Variants in LINGO2 observed in about 807,000 individuals in gnomAD.
The protein encoded by LINGO2 is leucine rich repeat and Ig domain containing 2.
In LINGO2, 14 loss-of-function variants were observed where a neutral mutation model predicts 30.6. The ratio of observed to expected loss-of-function variants is 0.46; its 90% confidence interval spans 0.30 to 0.72. The LOEUF (loss-of-function observed/expected upper bound fraction) is 0.72. Among genes scored for constraint, LINGO2 ranks in the 30% least tolerant of loss-of-function variants. The probability of loss-of-function intolerance (pLI) is 0.07; values close to 1 mark genes in which losing one functional copy is unlikely to be tolerated. For synonymous variants in LINGO2, 317 were observed against 288.5 expected (o/e 1.10, Z -1.00); for missense variants, 729 against 751.7 (o/e 0.97, Z 0.35).
chr9:28,247,667 T>A (rs1433331325), intron 4 of LINGO2, among the ~76,000 whole-genome samples: 2 of 152,098 alleles, frequency 1.3e-5, no homozygotes, highest in African/African-American at 4.8e-5. Context: ...ACCTAGGTGA[T>A]GGGTTGATAG....
chr9:28,013,989 T>C (rs1428779524), intron 4 of LINGO2, among the ~76,000 whole-genome samples: 1 of 152,184 alleles, frequency 6.6e-6, no homozygotes, highest in African/African-American at 2.4e-5. Flanking sequence ...AAGAAGTACA[T>C]GCTCTGGTAT....
intron 1 of LINGO2, among the ~76,000 whole-genome samples, chr9:28,564,916 T>C (rs1403062689): frequency 1.3e-5 from 2 of 152,082 alleles, no homozygotes; most frequent in African/African-American, 4.8e-5. Context: ...ACAGCACTGC[T>C]GCATACCTGC....
the LINGO2 span, among the ~76,000 whole-genome samples, chr9:28,960,800 C>A: frequency 7.2e-6 from 1 of 138,142 alleles, no homozygotes; most frequent in Non-Finnish European, 1.6e-5. Context: ...GTTGCTGAGT[C>A]ATCAGAACAG....
At chr9:28,597,671 A>G (rs1357657507) in intron 1 of LINGO2, among the ~76,000 whole-genome samples, 3 of 152,234 alleles carry the variant, frequency 2.0e-5, no homozygotes, top group South Asian at 2.1e-4. Flanking sequence ...GTATAGTCAT[A>G]GAAGTACAGC....
At chr9:29,074,268 T>C in the LINGO2 span, among the ~76,000 whole-genome samples, 1 of 151,092 alleles carries the variant, frequency 6.6e-6, no homozygotes, top group South Asian at 2.1e-4. Flanking sequence ...AGACAATAGA[T>C]CAAATGTTAT....
At chr9:28,928,744 T>G in the LINGO2 span, among the ~76,000 whole-genome samples, 2 of 152,140 alleles carry the variant, frequency 1.3e-5, no homozygotes, top group Non-Finnish European at 2.9e-5. Flanking sequence ...TTTGTTTGTT[T>G]TTAACTGGTA....
chr9:28,710,795 C>A, the LINGO2 span, among the ~76,000 whole-genome samples: 2 of 152,016 alleles, frequency 1.3e-5, no homozygotes. Flanking sequence ...TATGCTTCCC[C>A]CATTAGATTT....
intron 4 of LINGO2, among the ~76,000 whole-genome samples, chr9:28,242,934 G>A (rs1205292825): frequency 2.6e-5 from 4 of 152,102 alleles, no homozygotes; most frequent in Admixed American, 6.6e-5. Context: ...GAGGGAATTC[G>A]TCATTACCAG....
At chr9:28,955,936 C>A in the LINGO2 span, among the ~76,000 whole-genome samples, 1 of 151,996 alleles carries the variant, frequency 6.6e-6, no homozygotes, top group Non-Finnish European at 1.5e-5. Context: ...CCCAGCCCCA[C>A]CTCACATTTA....
intron 4 of LINGO2, among the ~76,000 whole-genome samples, chr9:28,290,565 A>G (rs372820200): frequency 1.3e-5 from 2 of 152,040 alleles, no homozygotes; most frequent in East Asian, 3.9e-4. Flanking sequence ...AGCTGAGGAG[A>G]TGGGAACTCA....
chr9:28,831,030 T>C, the LINGO2 span, among the ~76,000 whole-genome samples: 26 of 152,338 alleles, frequency 1.7e-4, 1 homozygote, highest in Admixed American at 8.5e-4. Context: ...GTGGAGTTCC[T>C]TCTCCCTTAA....
chr9:28,981,155 G>T, the LINGO2 span, among the ~76,000 whole-genome samples: 1 of 152,024 alleles, frequency 6.6e-6, no homozygotes, highest in Admixed American at 6.6e-5. Context: ...CAATACACAA[G>T]TGCATAGTGC....
chr9:28,667,640 G>A (rs974303117), intron 1 of LINGO2, among the ~76,000 whole-genome samples: 4 of 151,930 alleles, frequency 2.6e-5, no homozygotes, highest in Non-Finnish European at 4.4e-5. Context: ...GCTACTCAGG[G>A]GACTGAGGCA....
intron 5 of LINGO2, among the ~76,000 whole-genome samples, chr9:27,995,464 C>T (rs1056826044): frequency 6.6e-6 from 1 of 152,136 alleles, no homozygotes; most frequent in African/African-American, 2.4e-5. Flanking sequence ...TTAATGAACA[C>T]AGATGCAGAC....
intron 1 of LINGO2, among the ~76,000 whole-genome samples, chr9:28,648,281 C>T (rs1463425725): frequency 2.0e-5 from 3 of 152,006 alleles, no homozygotes; most frequent in Non-Finnish European, 2.9e-5. Context: ...AGACATTTTA[C>T]GAGAGAGCAT....
chr9:28,340,055 G>A (rs1825716738), intron 3 of LINGO2, among the ~76,000 whole-genome samples: 1 of 152,182 alleles, frequency 6.6e-6, no homozygotes, highest in Non-Finnish European at 1.5e-5. Context: ...AGTAAAACAG[G>A]CAAATACTGT....
chr9:28,095,599 T>C (rs1826220847), intron 4 of LINGO2, among the ~76,000 whole-genome samples: 1 of 151,730 alleles, frequency 6.6e-6, no homozygotes, highest in Non-Finnish European at 1.5e-5. Context: ...CCTAAAACCA[T>C]AAAAACCCTA....
At chr9:28,048,760 T>C (rs556932048) in intron 4 of LINGO2, among the ~76,000 whole-genome samples, 1 of 150,858 alleles carries the variant, frequency 6.6e-6, no homozygotes, top group South Asian at 2.1e-4. Context: ...GAAAAATATG[T>C]AATCATTAAA....
At chr9:28,378,173 A>C (rs1821204618) in intron 2 of LINGO2, among the ~76,000 whole-genome samples, 1 of 152,248 alleles carries the variant, frequency 6.6e-6, no homozygotes. Context: ...TTCCTCAGAC[A>C]GAAAAGTAAA....
Sources: gnomAD v4.1 joint callset for allele counts (sites outside exome capture counted in the v4.1 genomes callset) on GRCh38, gnomAD v4.1.1 for gene constraint, MANE v1.5 for transcripts, NCBI Gene and HGNC (gene_info 2026-07-23, HGNC 2026-07-21) for gene names.